Variants in DTX3L observed in about 807,000 individuals in gnomAD.
DTX3L encodes deltex E3 ubiquitin ligase 3L.
Under a neutral mutation model 60.9 loss-of-function variants are expected in DTX3L, and 34 were observed. The ratio of observed to expected loss-of-function variants is 0.56; its 90% CI spans 0.42 to 0.74. The LOEUF (loss-of-function observed/expected upper bound fraction) is 0.74. DTX3L is among the 30% of genes least tolerant of loss of function. DTX3L has a pLI of 0.00. For missense variants in DTX3L, 810 were observed against 874.0 expected, an observed-to-expected ratio of 0.93 and a Z score of 0.92; for synonymous variants, 290 against 316.6, an observed-to-expected ratio of 0.92 and a Z score of 0.89.
In DTX3L at chr3:122,574,910, A is replaced by C. The variant is rs2080672064; in HGVS notation, c.*3163A>C. On this transcript the variant is annotated 3_prime_UTR_variant, in exon 5 of 5. Transcript: ENST00000296161. ...CAGAGAGTTGAGGAAGCTTAAGCTAAATGATACATGTTTTTAAAAAAAAAT... is the reference window on the plus strand; with the variant it reads ...CAGAGAGTTGAGGAAGCTTAAGCTACATGATACATGTTTTTAAAAAAAAAT... 6.6e-6 allele frequency: 1 copy of C among 150,924 alleles called. No individual in the cohort carries two copies. Among genetic ancestry groups the C allele is most frequent in the South Asian group, 2.1e-4 (1 of 4,836 alleles). 9.3% of individuals were successfully genotyped at this position (150,924 alleles called of 1,614,324 possible).
At chr3:122,567,571 T>C (rs1209185699) in intron 2 of DTX3L, among the ~76,000 whole-genome samples, 2 of 152,222 alleles carry the variant, frequency 1.3e-5, no homozygotes, top group Non-Finnish European at 2.9e-5. Flanking sequence ...GCGTGTCTTA[T>C]ATTTGAGCTT....
In DTX3L at chr3:122,570,439, T is replaced by G. The variant is rs765940215; in HGVS notation, c.1936-16T>G. The G allele has an allele frequency of 1.1e-5, 18 of 1,613,018 alleles. No individual in the cohort carries two copies. The highest frequency in any genetic ancestry group is 1.4e-5 in the Non-Finnish European group (17 of 1,179,170). ...AGGGCACTCTTTTCACATGACATTT[T>G]CTTGTTCTCACACAGGAAGAACACC... is the stretch of plus-strand genomic sequence containing the variant. On this transcript the variant is annotated splice_polypyrimidine_tract_variant and intron_variant, in intron 3 of 4. Transcript: ENST00000296161.
At position 122,571,678 on chromosome 3, in the gene DTX3L, G is replaced by A. The variant is rs1365012319; in HGVS notation, c.2154G>A (p.Met718Ile). The A allele has an allele frequency of 6.2e-7, 1 of 1,610,444 alleles. No homozygotes were observed. Among genetic ancestry groups the A allele is most frequent in the Admixed American group, 1.7e-5 (1 of 59,612 alleles). Residue 718 changes from methionine (M) to isoleucine (I), a missense_variant and splice_region_variant, in exon 5 of 5, where the codon ATG (methionine) becomes ATA (isoleucine). Transcript: ENST00000296161. ...ACTAAAGGAATTTTTGTTTCTTCAG[G>A]TATGGCTATCCTGATCCTTCTTACC... ...HKTSRFGGPE[M>I]YGYPDPSYLK...
rs1401180599 is a variant in DTX3L, at chr3:122,568,857, A to C, written c.768A>C (p.Ser256=). 17 of 1,613,914 alleles carry C rather than the reference A, an allele frequency of 1.1e-5. No individual in the cohort carries two copies. The highest frequency in any genetic ancestry group is 1.4e-5 in the Non-Finnish European group (17 of 1,179,996). Residue 256 remains serine (S), a synonymous_variant, in exon 3 of 5, where the codon TCA becomes TCC. Transcript: ENST00000296161. ...ATATCTGTCCTGATAAAATCAACTCAATAGAGAAAAGATTTGGTGTAAACA... is the reference window on the plus strand; with the variant it reads ...ATATCTGTCCTGATAAAATCAACTCCATAGAGAAAAGATTTGGTGTAAACA... ...FKYICPDKIN[S]IEKRFGVNIE... is the part of the protein sequence containing the mutation.
At chr3:122,565,153 T>C (rs2080542709) in intron 1 of DTX3L, among the ~76,000 whole-genome samples, 3 of 152,128 alleles carry the variant, frequency 2.0e-5, no homozygotes, top group African/African-American at 7.2e-5. Flanking sequence ...ACATGTATAT[T>C]TACAAAATTC....
rs1202075198 is a variant in DTX3L, at chr3:122,570,546, T to G, written c.2027T>G (p.Leu676Arg). Reference sequence around the variant, plus strand: ...AAGGAAGGAAGGAAGGTTTTGAAACTGCTTTATAGGGCCTTTGACCAAAAG... The same window carrying G: ...AAGGAAGGAAGGAAGGTTTTGAAACGGCTTTATAGGGCCTTTGACCAAAAG... The part of the protein sequence containing the change: ...DNKEGRKVLK[L>R]LYRAFDQKLI... Residue 676 changes from leucine to arginine, a missense_variant, in exon 4 of 5, where the codon CTG becomes CGG. Transcript: ENST00000296161. 2 of 1,614,078 alleles carry G rather than the reference T, an allele frequency of 1.2e-6. No homozygotes were observed. Among genetic ancestry groups the G allele is most frequent in the Non-Finnish European group, 1.7e-6 (2 of 1,180,044 alleles).
At position 122,574,437 on chromosome 3, in the gene DTX3L, T is replaced by C. The variant is rs909829330; in HGVS notation, c.*2690T>C. On this transcript the variant is annotated 3_prime_UTR_variant, in exon 5 of 5. Coordinates refer to ENST00000296161, the MANE Select transcript of DTX3L (RefSeq NM_138287.3). The stretch of plus-strand genomic sequence containing the variant: ...ATGTCCCAGCCTCTCTCCAAAAAAA[T>C]AGTAAACAAGATGTCTTCTTCTTTT... 1.3e-5 allele frequency: 2 copies of C among 152,186 alleles called. No homozygotes were observed. The highest frequency in any genetic ancestry group is 2.4e-5 in the African/African-American group (1 of 41,450). The allele number at this position is 152,186 out of a possible 1,614,324, so 9.4% of individuals were successfully genotyped here.
chr3:122,564,963 A>G (rs1050440331), intron 1 of DTX3L, among the ~76,000 whole-genome samples: 4 of 152,190 alleles, frequency 2.6e-5, no homozygotes, highest in African/African-American at 9.7e-5. Context: ...TGTTTTAAAT[A>G]ATGGTTCCAT....
chr3:122,564,731 G>A, intron 1 of DTX3L, 118 bp downstream of exon 1: 2 of 1,286,648 alleles, frequency 1.6e-6, no homozygotes, highest in East Asian at 2.7e-5. Context: ...GTCACTGTGC[G>A]GTGGCGGACA....
intron 2 of DTX3L, among the ~76,000 whole-genome samples, chr3:122,566,842 G>A (rs562467491): frequency 6.6e-6 from 1 of 152,184 alleles, no homozygotes; most frequent in African/African-American, 2.4e-5. Context: ...TTCCAGGGAC[G>A]GCACCTTCTA....
chr3:122,565,581 G>A (rs887925814), intron 1 of DTX3L, among the ~76,000 whole-genome samples: 8 of 151,392 alleles, frequency 5.3e-5, no homozygotes, highest in Non-Finnish European at 1.0e-4. Flanking sequence ...AGAAGGAAAG[G>A]GGAGACTGGA....
At position 122,572,028 on chromosome 3, in the gene DTX3L, C is replaced by G. The variant is rs1487906409; in HGVS notation, c.*281C>G. The G allele has an allele frequency of 5.0e-6, 1 of 201,026 alleles. No homozygotes were observed. The highest frequency in any genetic ancestry group is 1.0e-5 in the Non-Finnish European group (1 of 96,946). The allele number at this position is 201,026 out of a possible 1,614,324, so 12.5% of individuals were successfully genotyped here. A position where few individuals can be genotyped will look rare whatever the true frequency, so the allele number is the denominator to read the frequency against. ...GGTTCATGCCATTCTCCTACCTCAGCCTCCCGAGTAGCTGGGACTACAGGC... is the reference window on the plus strand; with the variant it reads ...GGTTCATGCCATTCTCCTACCTCAGGCTCCCGAGTAGCTGGGACTACAGGC... On this transcript the variant is annotated 3_prime_UTR_variant, in exon 5 of 5. Coordinates refer to ENST00000296161, the MANE Select transcript of DTX3L (RefSeq NM_138287.3).
At chr3:122,571,585 C>T in intron 4 of DTX3L, 93 bp from the exon 5 acceptor site, 1 of 962,902 alleles carries the variant, frequency 1.0e-6, no homozygotes, top group Non-Finnish European at 1.6e-6. Flanking sequence ...ATGTTTGCAA[C>T]ACTGGATATT....
chr3:122,565,059 G>T (rs184021436), intron 1 of DTX3L, among the ~76,000 whole-genome samples: 18 of 152,262 alleles, frequency 1.2e-4, no homozygotes, highest in African/African-American at 4.3e-4. Flanking sequence ...AAATAAAAGA[G>T]TAAAAAAGAA....
Position 122,564,560 on chromosome 3 carries a change from C to T in DTX3L, c.134C>T (p.Thr45Ile), listed in dbSNP as rs372085011. Reference protein sequence around the residue: ...SSGGGECTVSTQEHEAPGTFR... With the variant: ...SSGGGECTVSIQEHEAPGTFR... ...GGCGGCGGGGAGTGCACGGTCAGCA[C>T]CCAGGAACACGAAGCCCCGGGCACC... is the stretch of plus-strand genomic sequence containing the variant. The change falls in exon 1 of 5, where the codon ACC becomes ATC. Residue 45 changes from threonine (T) to isoleucine (I), a missense_variant. Physicochemically the swap from Thr to Ile is moderately conservative, Grantham distance 89. Coordinates refer to ENST00000296161, the MANE Select transcript of DTX3L (RefSeq NM_138287.3). 32 of 1,608,636 alleles carry T rather than the reference C, an allele frequency of 2.0e-5. No homozygotes were observed. Among genetic ancestry groups the T allele is most frequent in the Non-Finnish European group, 2.6e-5 (31 of 1,177,322 alleles).
intron 2 of DTX3L, among the ~76,000 whole-genome samples, chr3:122,567,117 G>A (rs570825362): frequency 5.0e-4 from 76 of 152,274 alleles, no homozygotes; most frequent in African/African-American, 1.8e-3. Flanking sequence ...GTGGTGGGGA[G>A]GGCAGTGAGC....
chr3:122,571,592 T>C, intron 4 of DTX3L, 86 bp from the exon 5 acceptor site: 1 of 1,020,586 alleles, frequency 9.8e-7, no homozygotes, highest in East Asian at 2.5e-5. Context: ...CAACACTGGA[T>C]ATTAATTAAA....
At position 122,571,711 on chromosome 3, in the gene DTX3L, TGTCA is replaced by T. The variant is rs2080646951; in HGVS notation, c.2188_2191del (p.Val730LysfsTer4). Reference sequence around the variant, plus strand: ...ATCCTGATCCTTCTTACCTGAAACGTGTCAAAGAGGAGCTGAAAGCCAAAGGAAT... The same window carrying T: ...ATCCTGATCCTTCTTACCTGAAACGTAAGAGGAGCTGAAAGCCAAAGGAAT... On this transcript the variant is annotated frameshift_variant, in exon 5 of 5. Coordinates refer to ENST00000296161, the MANE Select transcript of DTX3L (RefSeq NM_138287.3). LOFTEE classifies it high-confidence loss of function. 8 of 1,613,440 alleles carry T rather than the reference TGTCA, an allele frequency of 5.0e-6. No homozygotes were observed. The highest frequency in any genetic ancestry group is 6.8e-6 in the Non-Finnish European group (8 of 1,179,584).
Position 122,570,552 on chromosome 3 carries a change from A to G in DTX3L, c.2033A>G (p.Tyr678Cys), listed in dbSNP as rs2080637998. Residue 678 changes from tyrosine (Y) to cysteine (C), a missense_variant, in exon 4 of 5, where the codon TAT becomes TGT. Physicochemically the swap from Tyr to Cys is radical, Grantham distance 194 (BLOSUM62 -2). Transcript: ENST00000296161. ...GGAAGGAAGGTTTTGAAACTGCTTT[A>G]TAGGGCCTTTGACCAAAAGCTGATT... Reference protein sequence around the residue: ...KEGRKVLKLLYRAFDQKLIFT... With the variant: ...KEGRKVLKLLCRAFDQKLIFT... The G allele has an allele frequency of 6.2e-7, 1 of 1,614,214 alleles. No homozygotes were observed. Among genetic ancestry groups the G allele is most frequent in the Non-Finnish European group, 8.5e-7 (1 of 1,180,040 alleles).
Sources: allele counts gnomAD v4.1 joint callset (sites outside exome capture counted in the v4.1 genomes callset), GRCh38; gene constraint gnomAD v4.1.1; transcripts MANE v1.5; gene names NCBI Gene and HGNC (gene_info 2026-07-23, HGNC 2026-07-21).